The following HOXC4 variants were observed in gnomAD, a reference collection of about 807,000 sequenced individuals.
HOXC4 encodes the protein homeobox protein Hox-C4.
HOXC4 carries 15 observed loss-of-function variants against 25.5 expected under a neutral mutation model. The ratio of observed to expected loss-of-function variants is 0.59; its 90% CI spans 0.39 to 0.91. The LOEUF is 0.91. Ranked by LOEUF, HOXC4 falls within the 40% of genes least tolerant of loss-of-function variation. The pLI is 0.00. For missense variants in HOXC4, 342 were observed against 352.4 expected (o/e 0.97, Z 0.24); for synonymous variants, 165 against 148.0 (o/e 1.11, Z -0.83).
At chr12:54,038,571 G>C (rs1171172357) in intron 1 of HOXC4, among the ~76,000 whole-genome samples, 1 of 152,204 alleles carries the variant, frequency 6.6e-6, no homozygotes, top group Non-Finnish European at 1.5e-5. Context: ...AGAGGTCCCA[G>C]AGTGCCCCCT....
chr12:54,035,678 G>A (rs1393450221), intron 1 of HOXC4, among the ~76,000 whole-genome samples: 1 of 152,240 alleles, frequency 6.6e-6, no homozygotes, highest in Non-Finnish European at 1.5e-5. Context: ...TGCCAAAGCT[G>A]CGGTGCAGGA....
chr12:54,041,961 C>G (rs924278040), intron 1 of HOXC4, among the ~76,000 whole-genome samples: 6 of 148,878 alleles, frequency 4.0e-5, no homozygotes, highest in South Asian at 4.2e-4. Flanking sequence ...CCGCGCCCAG[C>G]CTTTTCTTTT....
At position 54,033,462 on chromosome 12, in the gene HOXC4, A is replaced by T. The variant is rs761555118; in HGVS notation, c.-124+16048A>T. The T allele has an allele frequency of 1.9e-6, 3 of 1,598,908 alleles. No individual in the cohort carries two copies. The highest frequency in any genetic ancestry group is 2.6e-6 in the Non-Finnish European group (3 of 1,174,498). On this transcript the variant is annotated intron_variant, in intron 1 of 3. Coordinates refer to the HOXC4 transcript ENST00000303406. ...CCCGGCGCTGGAGGAGCGAGCTAAG[A>T]GCAGTGGGGAGATCAAAGAGGAGCA...
chr12:54,035,417 G>T (rs1333228781), intron 1 of HOXC4: 1 of 152,594 alleles, frequency 6.6e-6, no homozygotes, highest in East Asian at 1.9e-4. Flanking sequence ...GTCTAAATGG[G>T]CTGTGAGATG....
chr12:54,042,940 CGGT>C (rs746076043), intron 1 of HOXC4, among the ~76,000 whole-genome samples: 29 of 152,134 alleles, frequency 1.9e-4, no homozygotes, highest in Non-Finnish European at 4.0e-4. Context: ...TGAGGAACTT[CGGT>C]GATACAAATC....
intron 1 of HOXC4, chr12:54,047,973 G>A (rs1167818848): frequency 1.3e-5 from 2 of 152,198 alleles, no homozygotes; most frequent in Non-Finnish European, 2.9e-5. Flanking sequence ...TGAGGGGATG[G>A]AGGGAGGTGA....
intron 1 of HOXC4, among the ~76,000 whole-genome samples, chr12:54,024,502 G>A (rs1940601649): frequency 6.6e-6 from 1 of 152,136 alleles, no homozygotes; most frequent in Admixed American, 6.5e-5. Flanking sequence ...CAACTAAGGA[G>A]GACCTCTGGA....
chr12:54,054,241 T>A lies in HOXC4; in HGVS notation c.319T>A (p.Ser107Thr), dbSNP rs1451869306. 6.2e-7 allele frequency: 1 copy of A among 1,608,524 alleles called. No homozygotes were observed. Among genetic ancestry groups the A allele is most frequent in the Non-Finnish European group, 8.5e-7 (1 of 1,177,910 alleles). Residue 107 changes from serine to threonine, a missense_variant, in exon 1 of 2, where the codon TCC (serine) becomes ACC (threonine). Physicochemically the swap from Ser to Thr is moderately conservative, Grantham distance 58. Coordinates refer to ENST00000430889, the MANE Select transcript of HOXC4 (RefSeq NM_153633.3). ...LCEPAPLSGA[S>T]ASPSPAPPAC... ...CGAGCCGGCGCCTCTCTCAGGCGCC[T>A]CCGCCTCCCCGTCCCCAGCCCCGCC...
chr12:54,026,969 G>C (rs965136271), intron 1 of HOXC4, among the ~76,000 whole-genome samples: 8 of 137,874 alleles, frequency 5.8e-5, no homozygotes, highest in Admixed American at 4.4e-4. Flanking sequence ...AATGGTGGGG[G>C]GGGGGGGATA....
Position 54,054,359 on chromosome 12 carries a change from C to A in HOXC4, c.437C>A (p.Thr146Lys). The change falls in exon 1 of 2, where the codon ACG becomes AAG. Residue 146 changes from threonine (T) to lysine (K), a missense_variant and splice_region_variant. Coordinates refer to ENST00000430889, the MANE Select transcript of HOXC4 (RefSeq NM_153633.3). The part of the protein sequence containing the change: ...YPWMKKIHVS[T>K]VNPNYNGGEP... ...TGGATGAAAAAAATTCACGTTAGCA[C>A]GGGTAGGCAACTTTGCTTTTTGCTC... 2 of 1,538,998 alleles carry A rather than the reference C, an allele frequency of 1.3e-6. No individual in the cohort carries two copies. The highest frequency in any genetic ancestry group is 1.7e-6 in the Non-Finnish European group (2 of 1,145,582).
intron 1 of HOXC4, chr12:54,033,843 G>T: frequency 1.9e-6 from 1 of 537,398 alleles, no homozygotes; most frequent in Non-Finnish European, 3.4e-6. Context: ...GGATCTGAAG[G>T]GTGAGGAGCG....
At chr12:54,032,996 A>T (rs1941044390) in intron 1 of HOXC4, 1 of 723,926 alleles carries the variant, frequency 1.4e-6, no homozygotes, top group East Asian at 2.7e-5. Flanking sequence ...AGCGCATAGG[A>T]TAAAGAAAGA....
At chr12:54,036,778 T>C (rs906683237) in intron 1 of HOXC4, among the ~76,000 whole-genome samples, 1 of 152,236 alleles carries the variant, frequency 6.6e-6, no homozygotes, top group African/African-American at 2.4e-5. Flanking sequence ...CAGTGAAGCG[T>C]GGAGAAGCAC....
chr12:54,033,125 G>T, intron 1 of HOXC4: 1 of 1,596,898 alleles, frequency 6.3e-7, no homozygotes, highest in Non-Finnish European at 8.6e-7. Flanking sequence ...TCCCCGCCAT[G>T]AGCTCCTACG....
chr12:54,054,389 C>CG, intron 1 of HOXC4, 28 bp downstream of exon 1: 1 of 1,468,930 alleles, frequency 6.8e-7, no homozygotes, highest in Non-Finnish European at 9.1e-7. Context: ...TTGCTCCCCC[C>CG]CTCCCTCCCT....
At chr12:54,046,227 G>A (rs1448580156) in intron 1 of HOXC4, among the ~76,000 whole-genome samples, 2 of 152,212 alleles carry the variant, frequency 1.3e-5, no homozygotes, top group African/African-American at 4.8e-5. Context: ...GCTCTTATCG[G>A]CTGGGATTGA....
In HOXC4 at chr12:54,054,366, G is replaced by A; in HGVS notation, c.439+5G>A. 1 of 1,528,428 alleles carries A rather than the reference G, an allele frequency of 6.5e-7. No homozygotes were observed. 94.7% of individuals were successfully genotyped at this position (1,528,428 alleles called of 1,614,324 possible). A position where few individuals can be genotyped will look rare whatever the true frequency, so the allele number is the denominator to read the frequency against. ...AAAAAATTCACGTTAGCACGGGTAGGCAACTTTGCTTTTTGCTCCCCCCCT... is the reference window on the plus strand; with the variant it reads ...AAAAAATTCACGTTAGCACGGGTAGACAACTTTGCTTTTTGCTCCCCCCCT... On this transcript the variant is annotated splice_donor_5th_base_variant and intron_variant, in intron 1 of 1. Transcript: ENST00000430889.
rs759898104 is a variant in HOXC4, at chr12:54,055,226, C to T, written c.*21C>T. On this transcript the variant is annotated 3_prime_UTR_variant, in exon 2 of 2. Transcript: ENST00000430889. ...TATAAAACATAACTCACACCCCTGCCCCCACCCCATGCCCCCACCCTCCCC... is the reference window on the plus strand; with the variant it reads ...TATAAAACATAACTCACACCCCTGCTCCCACCCCATGCCCCCACCCTCCCC... 1 of 1,388,828 alleles carries T rather than the reference C, an allele frequency of 7.2e-7. No individual in the cohort carries two copies. Among genetic ancestry groups the T allele is most frequent in the Non-Finnish European group, 9.7e-7 (1 of 1,035,280 alleles). 86.0% of individuals were successfully genotyped at this position (1,388,828 alleles called of 1,614,324 possible).
chr12:54,026,064 A>G (rs568524865), intron 1 of HOXC4, among the ~76,000 whole-genome samples: 1 of 152,338 alleles, frequency 6.6e-6, no homozygotes, highest in South Asian at 2.1e-4. Flanking sequence ...ACAATTTAAT[A>G]TCTTGAAGGA....
Sources: gnomAD v4.1 joint callset for allele counts (sites outside exome capture counted in the v4.1 genomes callset) on GRCh38, gnomAD v4.1.1 for gene constraint, MANE v1.5 for transcripts, NCBI Gene and HGNC (gene_info 2026-07-23, HGNC 2026-07-21) for gene names.